Variants in STK32B observed in about 807,000 individuals in gnomAD.
The protein encoded by STK32B is serine/threonine-protein kinase 32B.
A neutral mutation model predicts 52.6 loss-of-function variants in STK32B; 43 were observed. That is an observed-to-expected ratio of 0.82 (90% CI 0.64 to 1.05). STK32B has a LOEUF of 1.05. Ranked by LOEUF, STK32B falls within the 50% of genes least tolerant of loss-of-function variation. STK32B has a pLI of 0.00. For synonymous variants in STK32B, 238 were observed against 204.3 expected (o/e 1.17, Z -1.41); for missense variants, 621 against 534.6 (o/e 1.16, Z -1.59).
At chr4:5,417,523 T>G (rs1712262671) in intron 6 of STK32B, among the ~76,000 whole-genome samples, 1 of 152,134 alleles carries the variant, frequency 6.6e-6, no homozygotes, top group Admixed American at 6.6e-5. Context: ...ATTTCTCTTC[T>G]CCCAAGGCAT....
chr4:5,398,353 G>T lies in STK32B; in HGVS notation c.472+109G>T, dbSNP rs1332605306. The T allele has an allele frequency of 3.6e-6, 4 of 1,115,906 alleles. No homozygotes were observed. Among genetic ancestry groups the T allele is most frequent in the Non-Finnish European group, 5.3e-6 (4 of 758,478 alleles). 69.1% of individuals were successfully genotyped at this position (1,115,906 alleles called of 1,614,324 possible). On this transcript the variant is annotated intron_variant, in intron 5 of 11. Transcript: ENST00000282908. This position sits in a 1 kb window ranked among gnomAD's most constrained non-coding sequence, Gnocchi z 4.9. ...CTTGCTGAGTTGGACATTAGCATTGGCTAGAAACCTTCTCTTGTTTCAATC... is the reference window on the plus strand; with the variant it reads ...CTTGCTGAGTTGGACATTAGCATTGTCTAGAAACCTTCTCTTGTTTCAATC...
At chr4:5,461,064 G>GT (rs956798830) in intron 9 of STK32B, among the ~76,000 whole-genome samples, 1 of 152,160 alleles carries the variant, frequency 6.6e-6, no homozygotes, top group Non-Finnish European at 1.5e-5. Context: ...GTCCCTTCCT[G>GT]TTGAGCAGTT....
intron 3 of STK32B, among the ~76,000 whole-genome samples, chr4:5,257,177 G>A (rs143562171): frequency 1.3e-5 from 2 of 152,178 alleles, no homozygotes; most frequent in African/African-American, 4.8e-5. Context: ...ATGAATGAGT[G>A]AGTGCACAGG....
intron 3 of STK32B, among the ~76,000 whole-genome samples, chr4:5,212,389 G>A (rs140834595): frequency 2.6e-5 from 4 of 152,148 alleles, no homozygotes; most frequent in African/African-American, 7.2e-5. Flanking sequence ...TTTCCCTACT[G>A]TCTGTGGGCT....
intron 2 of STK32B, among the ~76,000 whole-genome samples, chr4:5,141,173 G>T (rs1160401471): frequency 6.6e-6 from 1 of 152,220 alleles, no homozygotes; most frequent in Non-Finnish European, 1.5e-5. Flanking sequence ...GTAGCCACGT[G>T]TAGCCAGTGG....
At chr4:5,343,190 A>G (rs994077331) in intron 4 of STK32B, among the ~76,000 whole-genome samples, 2 of 149,136 alleles carry the variant, frequency 1.3e-5, no homozygotes, top group Non-Finnish European at 3.0e-5. Context: ...ATGAGTGAGA[A>G]CATGTGGTGT....
At chr4:5,486,117 C>G (rs932375164) in intron 11 of STK32B, among the ~76,000 whole-genome samples, 1 of 152,288 alleles carries the variant, frequency 6.6e-6, no homozygotes, top group Middle Eastern at 3.4e-3. Flanking sequence ...GGGAAGCTGT[C>G]AGACAGGAAC....
chr4:5,374,403 A>G (rs1735447854), intron 4 of STK32B, among the ~76,000 whole-genome samples: 1 of 152,242 alleles, frequency 6.6e-6, no homozygotes. Context: ...TCAGTCCCTT[A>G]AAGAGGAAAG....
In STK32B at chr4:5,467,267, C is replaced by A. The variant is rs1717517060; in HGVS notation, c.1041+433C>A. 6.6e-6 allele frequency among the ~76,000 whole-genome samples: 1 copy of A among 152,152 alleles called. No individual in the cohort carries two copies. The highest frequency in any genetic ancestry group is 2.4e-5 in the African/African-American group (1 of 41,416). On this transcript the variant is annotated intron_variant, in intron 10 of 11. Coordinates refer to ENST00000282908, the MANE Select transcript of STK32B (RefSeq NM_018401.3). The surrounding 1 kb of genome is among the most constrained non-coding windows in gnomAD (Gnocchi z 5.8). ...ATTGATTCTCTCACGGTTCTGGAGG[C>A]CAGAAATCCAAACTCAAGGTCTCCG... is the stretch of plus-strand genomic sequence containing the variant.
intron 5 of STK32B, among the ~76,000 whole-genome samples, chr4:5,403,251 A>G (rs1175246262): frequency 6.6e-6 from 1 of 152,084 alleles, no homozygotes; most frequent in African/African-American, 2.4e-5. Context: ...TAGGAATTTT[A>G]TGTTCCAGGC....
At chr4:5,090,222 C>G (rs1712994106) in intron 1 of STK32B, among the ~76,000 whole-genome samples, 1 of 151,952 alleles carries the variant, frequency 6.6e-6, no homozygotes, top group Non-Finnish European at 1.5e-5. Context: ...TAATTAGATC[C>G]CATTTGTCAA....
chr4:5,231,431 C>T (rs1189650119), intron 3 of STK32B, among the ~76,000 whole-genome samples: 2 of 151,898 alleles, frequency 1.3e-5, no homozygotes, highest in Admixed American at 1.3e-4. Context: ...GCCAACGTGG[C>T]AAAACCCCAT....
intron 11 of STK32B, among the ~76,000 whole-genome samples, chr4:5,471,418 G>A (rs573029820): frequency 4.6e-5 from 7 of 152,174 alleles, no homozygotes; most frequent in Admixed American, 2.0e-4. Context: ...ACAAGCCAAC[G>A]AGCACCCAGC....
chr4:5,401,190 C>T (rs1292440334), intron 5 of STK32B, among the ~76,000 whole-genome samples: 1 of 152,194 alleles, frequency 6.6e-6, no homozygotes, highest in Non-Finnish European at 1.5e-5. Context: ...TGAAACATGA[C>T]CTAGCCATAA....
chr4:5,123,911 C>T (rs898083714), intron 1 of STK32B, among the ~76,000 whole-genome samples: 3 of 152,140 alleles, frequency 2.0e-5, no homozygotes, highest in African/African-American at 7.2e-5. Flanking sequence ...TCACCATCCT[C>T]CCTCCTGCCT....
chr4:5,476,202 A>G (rs777429482), intron 11 of STK32B, among the ~76,000 whole-genome samples: 7 of 152,026 alleles, frequency 4.6e-5, no homozygotes, highest in Non-Finnish European at 8.8e-5. Flanking sequence ...ACCCGGCCTC[A>G]CAATCTTGAT....
chr4:5,049,176 T>C (rs1741671692), upstream of STK32B, among the ~76,000 whole-genome samples: 1 of 151,736 alleles, frequency 6.6e-6, no homozygotes, highest in Non-Finnish European at 1.5e-5. Flanking sequence ...CAGCACCCTC[T>C]CTGGCCAATG....
intron 3 of STK32B, among the ~76,000 whole-genome samples, chr4:5,201,702 A>AGG (rs776897942): frequency 1.3e-5 from 2 of 152,162 alleles, no homozygotes; most frequent in Non-Finnish European, 2.9e-5. Flanking sequence ...CAGAAGGTGA[A>AGG]GGGGGAGCAA....
intron 6 of STK32B, among the ~76,000 whole-genome samples, chr4:5,429,107 A>G (rs902401939): frequency 1.3e-5 from 2 of 152,230 alleles, no homozygotes; most frequent in African/African-American, 4.8e-5. Context: ...TGCTAACAGT[A>G]TGCTCTTGTG....
Sources: allele counts gnomAD v4.1 joint callset (sites outside exome capture counted in the v4.1 genomes callset), GRCh38; gene constraint gnomAD v4.1.1; non-coding constraint Gnocchi (gnomAD v3.1); transcripts MANE v1.5; gene names NCBI Gene and HGNC (gene_info 2026-07-23, HGNC 2026-07-21).